The following CCDC88A variants were observed in gnomAD, a reference collection of about 807,000 sequenced individuals.
CCDC88A encodes girdin.
A neutral mutation model predicts 234.3 loss-of-function variants in CCDC88A; 54 were observed. The observed-to-expected ratio is 0.23, with a 90% CI of 0.19 to 0.29. The LOEUF (loss-of-function observed/expected upper bound fraction) is 0.29, where lower values mean the gene tolerates loss of function less well. Ranked by LOEUF, CCDC88A falls within the 10% of genes least tolerant of loss-of-function variation. The pLI is 1.00. For synonymous variants in CCDC88A, 753 were observed against 737.8 expected (o/e 1.02, Z -0.33); for missense variants, 1,832 against 2,123.4 (o/e 0.86, Z 2.70).
In CCDC88A at chr2:55,384,581, G is replaced by GTATATACACA. The variant is rs1558788281; in HGVS notation, c.273+4196_273+4197insTGTGTATATA. Reference sequence around the variant, plus strand: ...TATACACATATATACGTATATATGTGTATATATACACATATATACGTATAT... The same window carrying GTATATACACA: ...TATACACATATATACGTATATATGTGTATATACACATATATATACACATATATACGTATAT... On this transcript the variant is annotated intron_variant, in intron 3 of 32. Coordinates refer to ENST00000436346, the MANE Select transcript of CCDC88A (RefSeq NM_001365480.1). Among the ~76,000 whole-genome samples, 6 of 94,472 alleles carry GTATATACACA rather than the reference G, an allele frequency of 6.4e-5. 1 individual carries two copies. Among genetic ancestry groups the GTATATACACA allele is most frequent in the Non-Finnish European group, 1.2e-4 (6 of 51,280 alleles). The allele number at this position is 94,472 out of a possible 152,430, so 62.0% of individuals were successfully genotyped here.
intron 3 of CCDC88A, among the ~76,000 whole-genome samples, chr2:55,386,537 T>C (rs2104882143): frequency 6.6e-6 from 1 of 151,688 alleles, no homozygotes; most frequent in Non-Finnish European, 1.5e-5. Flanking sequence ...AACAGCATGA[T>C]CTCGGCTCAC....
At chr2:55,320,294 T>G (rs1423190754) in intron 18 of CCDC88A, among the ~76,000 whole-genome samples, 1 of 152,108 alleles carries the variant, frequency 6.6e-6, no homozygotes, top group Non-Finnish European at 1.5e-5. Context: ...TACCGATTAT[T>G]CCAGGTGTCT....
chr2:55,319,054 C>A (rs760114009), intron 18 of CCDC88A, 50 bp from the exon 19 acceptor site: 1 of 1,479,504 alleles, frequency 6.8e-7, no homozygotes, highest in Non-Finnish European at 9.3e-7. Flanking sequence ...ATGGCAACAT[C>A]AAATATGTTT....
chr2:55,301,410 C>A, intron 27 of CCDC88A, 133 bp from the exon 28 acceptor site: 1 of 514,052 alleles, frequency 1.9e-6, no homozygotes, highest in Non-Finnish European at 3.3e-6. Context: ...ATTTCATAGA[C>A]TCAACTAGAA....
At chr2:55,336,972 C>A in intron 13 of CCDC88A, 154 bp from the exon 14 acceptor site, 2 of 503,444 alleles carry the variant, frequency 4.0e-6, no homozygotes, top group Admixed American at 4.1e-5. Flanking sequence ...AAGTAGCATT[C>A]CATGCTAATT....
Position 55,332,806 on chromosome 2 carries a change from G to A in CCDC88A, c.2728-113C>T. 2.3e-6 allele frequency: 2 copies of A among 875,216 alleles called. No individual in the cohort carries two copies. Among genetic ancestry groups the A allele is most frequent in the Non-Finnish European group, 3.5e-6 (2 of 566,512 alleles). 54.2% of individuals were successfully genotyped at this position (875,216 alleles called of 1,614,324 possible). On this transcript the variant is annotated intron_variant, in intron 15 of 32. Coordinates refer to ENST00000436346, the MANE Select transcript of CCDC88A (RefSeq NM_001365480.1). The surrounding 1 kb of genome is among the most constrained non-coding windows in gnomAD (Gnocchi z 4.5). ...TAGGAATACATGTAATTTGAACCAG[G>A]AAATGTCATTAAACCATTCCTTCAT... is the stretch of plus-strand genomic sequence containing the variant.
At chr2:55,343,103 A>G (rs1412688789) in intron 12 of CCDC88A, among the ~76,000 whole-genome samples, 1 of 152,108 alleles carries the variant, frequency 6.6e-6, no homozygotes, top group Non-Finnish European at 1.5e-5. Context: ...AAAGTTAAAA[A>G]TTTACCTGGG....
chr2:55,411,366 T>C (rs989474124), intron 2 of CCDC88A, among the ~76,000 whole-genome samples: 4 of 152,176 alleles, frequency 2.6e-5, no homozygotes, highest in African/African-American at 9.7e-5. Flanking sequence ...TCACCTGTTC[T>C]TCTCTAGGTT....
chr2:55,372,384 A>T, intron 5 of CCDC88A, 68 bp downstream of exon 5: 1 of 785,048 alleles, frequency 1.3e-6, no homozygotes, highest in South Asian at 1.9e-5. Context: ...TCTTTCAGAA[A>T]CTACAGCCTG....
At chr2:55,320,437 TTACC>T (rs1447967813) in intron 18 of CCDC88A, among the ~76,000 whole-genome samples, 1 of 152,002 alleles carries the variant, frequency 6.6e-6, no homozygotes, top group Non-Finnish European at 1.5e-5. Context: ...CACACAAAAA[TTACC>T]AGCCTATTAT....
intron 9 of CCDC88A, among the ~76,000 whole-genome samples, chr2:55,346,566 C>A (rs1420350232): frequency 6.6e-6 from 1 of 151,890 alleles, no homozygotes; most frequent in Non-Finnish European, 1.5e-5. Flanking sequence ...ATTAAAAGCT[C>A]CCCCCACCAT....
intron 17 of CCDC88A, among the ~76,000 whole-genome samples, chr2:55,327,976 GAC>G (rs1684470799): frequency 6.6e-6 from 1 of 152,150 alleles, no homozygotes; most frequent in African/African-American, 2.4e-5. Flanking sequence ...AGGAAAGAGT[GAC>G]AGAGTGAAAT....
At chr2:55,398,224 G>C (rs1163110702) in intron 2 of CCDC88A, among the ~76,000 whole-genome samples, 2 of 152,148 alleles carry the variant, frequency 1.3e-5, no homozygotes, top group African/African-American at 4.8e-5. Flanking sequence ...AAAGCCAATA[G>C]AATAGCGGAG....
chr2:55,327,764 C>T (rs1011612625), intron 17 of CCDC88A, among the ~76,000 whole-genome samples: 1 of 152,280 alleles, frequency 6.6e-6, no homozygotes, highest in Non-Finnish European at 1.5e-5. Context: ...GATTTACTTC[C>T]TTAGGGAAAA....
intron 3 of CCDC88A, among the ~76,000 whole-genome samples, chr2:55,379,267 G>C (rs1284523727): frequency 2.6e-5 from 4 of 152,030 alleles, no homozygotes; most frequent in Non-Finnish European, 5.9e-5. Context: ...ATATAAATGA[G>C]CCCAAGATGA....
chr2:55,347,606 CTTTTT>C (rs547733323), intron 9 of CCDC88A, among the ~76,000 whole-genome samples: 1 of 102,138 alleles, frequency 9.8e-6, no homozygotes, highest in Admixed American at 1.1e-4. Context: ...ATTCATCTAC[CTTTTT>C]TTTTTTTTTT....
At chr2:55,366,937 A>T (rs1275132939) in intron 5 of CCDC88A, among the ~76,000 whole-genome samples, 1 of 152,234 alleles carries the variant, frequency 6.6e-6, no homozygotes, top group Non-Finnish European at 1.5e-5. Context: ...CAGGGATTCA[A>T]ACAGACATTT....
At chr2:55,391,965 T>C (rs1439217062) in intron 2 of CCDC88A, among the ~76,000 whole-genome samples, 1 of 152,246 alleles carries the variant, frequency 6.6e-6, no homozygotes, top group East Asian at 1.9e-4. Flanking sequence ...CTCAGCCTTT[T>C]GTTGATGTAC....
chr2:55,384,637 A>T (rs1675274340), intron 3 of CCDC88A, among the ~76,000 whole-genome samples: 1 of 107,440 alleles, frequency 9.3e-6, no homozygotes, highest in African/African-American at 3.8e-5. Context: ...ATATGTATAT[A>T]TGTGTATATA....
Sources: gnomAD v4.1 joint callset for allele counts (sites outside exome capture counted in the v4.1 genomes callset) on GRCh38, gnomAD v4.1.1 for gene constraint, Gnocchi (gnomAD v3.1) non-coding constraint, MANE v1.5 for transcripts, NCBI Gene and HGNC (gene_info 2026-07-23, HGNC 2026-07-21) for gene names.